EYS: variants seen among roughly 807,000 people sequenced by gnomAD.
The protein encoded by EYS is EGF-like photoreceptor maintenance factor, also known as protein eyes shut homolog.
A neutral mutation model predicts 282.1 loss-of-function variants in EYS; 250 were observed. That is an observed-to-expected ratio of 0.89 (90% CI 0.80 to 0.98). The LOEUF (loss-of-function observed/expected upper bound fraction) is 0.98, where lower values mean the gene tolerates loss of function less well. Among genes scored for constraint, EYS ranks in the 50% least tolerant of loss-of-function variants. EYS has a pLI of 0.00. For synonymous variants in EYS, 1,355 were observed against 1,282.9 expected (o/e 1.06, Z -1.20); for missense variants, 4,016 against 3,709.0 (o/e 1.08, Z -2.15).
rs368411798 is a variant in EYS at position 64,973,290 on chromosome 6, CT to C, written c.2259+24291del. Among the ~76,000 whole-genome samples the C allele has an allele frequency of 9.9e-4, 151 of 152,150 alleles. 1 individual carries two copies. Among genetic ancestry groups the C allele is most frequent in the African/African-American group, 3.5e-3 (147 of 41,564 alleles). ...TGACTACCCTTCTATGTACTAGGCA[CT>C]AGCCACTGGGCAAATAATCAATAAG... On this transcript the variant is annotated intron_variant, in intron 14 of 42. Coordinates refer to ENST00000503581, the MANE Select transcript of EYS (RefSeq NM_001142800.2).
intron 12 of EYS, among the ~76,000 whole-genome samples, chr6:65,126,177 T>G (rs1775712432): frequency 6.6e-6 from 1 of 152,258 alleles, no homozygotes; most frequent in South Asian, 2.1e-4. Context: ...TTGGATAAAC[T>G]TATTAACTCT....
chr6:63,963,042 A>T (rs1283661668), intron 35 of EYS, among the ~76,000 whole-genome samples: 2 of 140,206 alleles, frequency 1.4e-5, no homozygotes, highest in African/African-American at 5.2e-5. Context: ...TTTCACTCAT[A>T]GGTGGGAATT....
intron 35 of EYS, among the ~76,000 whole-genome samples, chr6:63,912,138 G>A (rs1285682815): frequency 6.6e-6 from 1 of 152,220 alleles, no homozygotes; most frequent in Non-Finnish European, 1.5e-5. Flanking sequence ...GAGAGGAACA[G>A]TGCATAAGCA....
chr6:64,007,068 A>G (rs1209716191), intron 33 of EYS, among the ~76,000 whole-genome samples: 1 of 152,152 alleles, frequency 6.6e-6, no homozygotes, highest in African/African-American at 2.4e-5. Flanking sequence ...TTCAGTAGGA[A>G]CAGTACCAGC....
intron 36 of EYS, among the ~76,000 whole-genome samples, chr6:63,823,106 T>A (rs1281343573): frequency 1.3e-5 from 2 of 152,212 alleles, no homozygotes; most frequent in African/African-American, 4.8e-5. Context: ...ATAACCTTGG[T>A]ATTCTTAGAA....
chr6:64,538,220 T>A (rs781498122), intron 26 of EYS, among the ~76,000 whole-genome samples: 11 of 152,216 alleles, frequency 7.2e-5, no homozygotes, highest in Non-Finnish European at 1.5e-4. Context: ...TATGTTGATG[T>A]ACTACCTAAT....
chr6:64,848,168 G>A (rs1429759568), intron 19 of EYS, among the ~76,000 whole-genome samples: 1 of 151,970 alleles, frequency 6.6e-6, no homozygotes. Flanking sequence ...TACATGTGGA[G>A]AAAATGATTT....
intron 41 of EYS, among the ~76,000 whole-genome samples, chr6:63,730,385 G>C (rs558676361): frequency 7.1e-4 from 108 of 152,240 alleles, no homozygotes; most frequent in Non-Finnish European, 1.5e-3. Flanking sequence ...AAACCCTTCA[G>C]GGATTTTACT....
chr6:65,387,212 T>C (rs1305787018), intron 7 of EYS, among the ~76,000 whole-genome samples: 1 of 151,938 alleles, frequency 6.6e-6, no homozygotes, highest in Non-Finnish European at 1.5e-5. Context: ...CAGTGACCTA[T>C]GGAATGCACA....
intron 5 of EYS, among the ~76,000 whole-genome samples, chr6:65,427,963 T>C (rs1463868215): frequency 6.6e-6 from 1 of 151,896 alleles, no homozygotes; most frequent in Non-Finnish European, 1.5e-5. Context: ...AAAGTACAAA[T>C]AAAGAAAATT....
chr6:64,522,118 G>C (rs572579117), intron 26 of EYS, among the ~76,000 whole-genome samples: 35 of 151,912 alleles, frequency 2.3e-4, no homozygotes, highest in Admixed American at 2.2e-3. Flanking sequence ...CCATTGATGT[G>C]TTAAATGTAC....
At chr6:64,101,057 C>T (rs1394969816) in intron 31 of EYS, among the ~76,000 whole-genome samples, 1 of 152,080 alleles carries the variant, frequency 6.6e-6, no homozygotes, top group Non-Finnish European at 1.5e-5. Context: ...GTTGTGGTAT[C>T]ACTGTCTGTC....
chr6:65,460,223 C>A (rs1377451044), intron 5 of EYS, among the ~76,000 whole-genome samples: 1 of 150,766 alleles, frequency 6.6e-6, no homozygotes, highest in Non-Finnish European at 1.5e-5. Flanking sequence ...TAGAGATAAT[C>A]ACATCTTTCT....
chr6:63,727,737 A>AAATATATATATATATAT (rs1554164607), intron 41 of EYS, among the ~76,000 whole-genome samples: 18 of 36,722 alleles, frequency 4.9e-4, no homozygotes, highest in African/African-American at 1.9e-3. Flanking sequence ...AAAAAAAAAA[A>AAATATATATATATATAT]ATATATATAT....
chr6:63,796,201 T>C (rs896397666), intron 37 of EYS, among the ~76,000 whole-genome samples: 10 of 152,200 alleles, frequency 6.6e-5, no homozygotes, highest in Non-Finnish European at 1.0e-4. Flanking sequence ...GGTACATGCT[T>C]GTGTTCTCAC....
intron 29 of EYS, among the ~76,000 whole-genome samples, chr6:64,370,219 G>A (rs546418606): frequency 6.6e-6 from 1 of 152,104 alleles, no homozygotes; most frequent in African/African-American, 2.4e-5. Context: ...AGTTTGTTGA[G>A]GGTTTTTAAC....
At chr6:64,071,741 A>C (rs1771588735) in intron 32 of EYS, among the ~76,000 whole-genome samples, 1 of 151,368 alleles carries the variant, frequency 6.6e-6, no homozygotes, top group Non-Finnish European at 1.5e-5. Flanking sequence ...TTCTTTAACA[A>C]AGAAAAATCA....
Position 63,867,026 on chromosome 6 carries a change from T to C in EYS, c.7056-2668A>G, listed in dbSNP as rs186126391. ...CAGATCCTGTTATTAAATCACAACT[T>C]CTTCAAAAGCTACCAAGCCTGCTGT... On this transcript the variant is annotated intron_variant, in intron 35 of 42. Transcript: ENST00000503581. Among the ~76,000 whole-genome samples, 265 of 152,326 alleles carry C rather than the reference T, an allele frequency of 1.7e-3. 4 individuals are homozygous for C. The highest frequency in any genetic ancestry group is 6.0e-3 in the African/African-American group (250 of 41,580).
intron 31 of EYS, among the ~76,000 whole-genome samples, chr6:64,180,009 T>C (rs1347162749): frequency 6.6e-6 from 1 of 152,058 alleles, no homozygotes; most frequent in Non-Finnish European, 1.5e-5. Context: ...AGGTTTGAGA[T>C]AAAACAAAAT....
Sources: gnomAD v4.1 joint callset for allele counts (sites outside exome capture counted in the v4.1 genomes callset) on GRCh38, gnomAD v4.1.1 for gene constraint, MANE v1.5 for transcripts, NCBI Gene and HGNC (gene_info 2026-07-23, HGNC 2026-07-21) for gene names.